The following MMP16 variants were observed in gnomAD, a reference collection of about 807,000 sequenced individuals.
MMP16 encodes matrix metalloproteinase-16.
In MMP16, 12 loss-of-function variants were observed where a neutral mutation model predicts 67.8. The ratio of observed to expected loss-of-function variants is 0.18; its 90% CI spans 0.11 to 0.29. The LOEUF is 0.29. Ranked by LOEUF, MMP16 falls within the 10% of genes least tolerant of loss-of-function variation. MMP16 has a pLI of 1.00. For synonymous variants in MMP16, 249 were observed against 255.9 expected (o/e 0.97, Z 0.26); for missense variants, 475 against 765.7 (o/e 0.62, Z 4.48).
chr8:88,307,764 G>A (rs919681927), intron 1 of MMP16, among the ~76,000 whole-genome samples: 1 of 151,754 alleles, frequency 6.6e-6, no homozygotes, highest in African/African-American at 2.4e-5. Flanking sequence ...CAGAAAAGGA[G>A]GCAAAATTAA....
chr8:88,213,194 T>C (rs1418519720), intron 1 of MMP16, among the ~76,000 whole-genome samples: 1 of 152,124 alleles, frequency 6.6e-6, no homozygotes, highest in Non-Finnish European at 1.5e-5. Context: ...GGACTACTTA[T>C]TCAATAAACA....
At chr8:88,319,789 G>T (rs1811430644) in intron 1 of MMP16, among the ~76,000 whole-genome samples, 1 of 151,708 alleles carries the variant, frequency 6.6e-6, no homozygotes, top group Admixed American at 6.6e-5. Context: ...AACTTAAACG[G>T]GGCTAAAACA....
chr8:88,319,238 T>C (rs772210697), intron 1 of MMP16, among the ~76,000 whole-genome samples: 1 of 152,160 alleles, frequency 6.6e-6, no homozygotes, highest in Non-Finnish European at 1.5e-5. Flanking sequence ...CATATCTTAG[T>C]AGTGCTCTTG....
At chr8:88,236,075 A>G (rs1046509535) in intron 1 of MMP16, among the ~76,000 whole-genome samples, 1 of 152,236 alleles carries the variant, frequency 6.6e-6, no homozygotes, top group Non-Finnish European at 1.5e-5. Flanking sequence ...AAGTCTTAAA[A>G]GTGATGATTT....
chr8:88,065,066 A>C (rs1266922087), intron 7 of MMP16, among the ~76,000 whole-genome samples: 2 of 152,122 alleles, frequency 1.3e-5, no homozygotes, highest in Admixed American at 1.3e-4. Flanking sequence ...TTTGCTCTGC[A>C]TGTGAGTCCT....
At chr8:88,162,919 T>C (rs1808653220) in intron 4 of MMP16, among the ~76,000 whole-genome samples, 1 of 152,106 alleles carries the variant, frequency 6.6e-6, no homozygotes, top group African/African-American at 2.4e-5. Flanking sequence ...CTTTTGTTTA[T>C]ACATTCTCTT....
chr8:88,315,276 G>A (rs1240213142), intron 1 of MMP16, among the ~76,000 whole-genome samples: 1 of 152,050 alleles, frequency 6.6e-6, no homozygotes, highest in Non-Finnish European at 1.5e-5. Context: ...GTCACATTTT[G>A]GTAATTCTCA....
chr8:88,258,844 C>T (rs1052919787), intron 1 of MMP16, among the ~76,000 whole-genome samples: 5 of 152,180 alleles, frequency 3.3e-5, no homozygotes, highest in African/African-American at 1.2e-4. Context: ...AGAACTATCA[C>T]TGAAATTAAG....
At chr8:88,074,791 G>A (rs760153302) in intron 6 of MMP16, 48 bp from the exon 7 acceptor site, 1 of 1,584,164 alleles carries the variant, frequency 6.3e-7, no homozygotes, top group African/African-American at 1.4e-5. Context: ...AGGCCTCCCT[G>A]GCATTTCACG....
intron 3 of MMP16, among the ~76,000 whole-genome samples, chr8:88,175,697 A>C (rs1044546518): frequency 4.6e-5 from 7 of 152,162 alleles, no homozygotes; most frequent in Admixed American, 3.9e-4. Flanking sequence ...TTTGTGAGGT[A>C]GTGATAGGGT....
At chr8:88,151,811 A>T (rs1426785185) in intron 4 of MMP16, among the ~76,000 whole-genome samples, 20 of 143,934 alleles carry the variant, frequency 1.4e-4, no homozygotes, top group Non-Finnish European at 2.1e-4. Context: ...GAACTAGAAA[A>T]GCAAGAGCAA....
chr8:88,286,160 G>A (rs569324913), intron 1 of MMP16, among the ~76,000 whole-genome samples: 1 of 151,890 alleles, frequency 6.6e-6, no homozygotes, highest in Non-Finnish European at 1.5e-5. Context: ...CACCTTCCTG[G>A]CCCAGTGCAC....
chr8:88,073,017 T>C (rs1808587183), intron 7 of MMP16, among the ~76,000 whole-genome samples: 1 of 152,296 alleles, frequency 6.6e-6, no homozygotes, highest in African/African-American at 2.4e-5. Flanking sequence ...AATTTATGAC[T>C]GTGGCAGTTT....
chr8:88,143,000 A>G (rs1006370855), intron 4 of MMP16, among the ~76,000 whole-genome samples: 4 of 152,180 alleles, frequency 2.6e-5, no homozygotes, highest in Non-Finnish European at 5.9e-5. Flanking sequence ...GGATATAGAT[A>G]TATCAGAGTG....
In MMP16 at chr8:88,032,392, C is replaced by G. The variant is rs1807997711; in HGVS notation, c.*9069G>C. 6.6e-6 allele frequency: 1 copy of G among 152,092 alleles called. No individual in the cohort carries two copies. Among genetic ancestry groups the G allele is most frequent in the Non-Finnish European group, 1.5e-5 (1 of 68,014 alleles). 9.4% of individuals were successfully genotyped at this position (152,092 alleles called of 1,614,324 possible). ...TGGTCTATAGCAATGAGATTAATAG[C>G]ATGACCCCTTGACCTTTAATGACGC... On this transcript the variant is annotated 3_prime_UTR_variant, in exon 10 of 10. Transcript: ENST00000286614.
chr8:88,223,985 T>C (rs1302828550), intron 1 of MMP16, among the ~76,000 whole-genome samples: 1 of 151,896 alleles, frequency 6.6e-6, no homozygotes, highest in Non-Finnish European at 1.5e-5. Context: ...GAGCCAAAGA[T>C]GCACAGATTA....
At chr8:88,095,242 A>G (rs1024671733) in intron 6 of MMP16, among the ~76,000 whole-genome samples, 3 of 151,862 alleles carry the variant, frequency 2.0e-5, no homozygotes, top group African/African-American at 4.8e-5. Context: ...CAAGTTTATT[A>G]TAACTACAGG....
chr8:88,294,495 CAT>C (rs1213679293), intron 1 of MMP16, among the ~76,000 whole-genome samples: 6 of 149,562 alleles, frequency 4.0e-5, no homozygotes, highest in Admixed American at 2.0e-4. Flanking sequence ...TCTATACACA[CAT>C]ATGTATATGT....
intron 6 of MMP16, among the ~76,000 whole-genome samples, chr8:88,097,953 A>G (rs1048120836): frequency 6.6e-6 from 1 of 151,880 alleles, no homozygotes; most frequent in African/African-American, 2.4e-5. Context: ...GGTCCTGCCC[A>G]AGACTTTTGA....
Sources: allele counts gnomAD v4.1 joint callset (sites outside exome capture counted in the v4.1 genomes callset), GRCh38; gene constraint gnomAD v4.1.1; transcripts MANE v1.5; gene names NCBI Gene and HGNC (gene_info 2026-07-23, HGNC 2026-07-21).